The following KALRN variants were observed in gnomAD, a reference collection of about 807,000 sequenced individuals.
The protein encoded by KALRN is kalirin.
KALRN carries 70 observed loss-of-function variants against 353.7 expected under a neutral mutation model. The observed-to-expected ratio is 0.20, with a 90% confidence interval of 0.16 to 0.24. KALRN has a LOEUF of 0.24. KALRN is among the 10% of genes least tolerant of loss of function. The pLI, the probability that KALRN is intolerant of heterozygous loss-of-function variation, is 1.00. For missense variants in KALRN, 2,791 were observed against 3,756.7 expected (o/e 0.74, Z 6.72); for synonymous variants, 1,391 against 1,434.8 (o/e 0.97, Z 0.69).
At chr3:124,453,707 A>G (rs1309505243) in intron 21 of KALRN, among the ~76,000 whole-genome samples, 3 of 152,130 alleles carry the variant, frequency 2.0e-5, no homozygotes. Flanking sequence ...TCCCTGAGCA[A>G]TTTCAGAGTT....
chr3:124,312,640 G>A (rs185731482), intron 6 of KALRN, among the ~76,000 whole-genome samples: 319 of 152,376 alleles, frequency 2.1e-3, no homozygotes, highest in Non-Finnish European at 4.0e-3. Context: ...TGTTAGGGAA[G>A]CTGAAGTAAG....
Position 124,699,916 on chromosome 3 carries a change from C to CTCGTCA in KALRN, c.7883_7888dup (p.Val2628_Ile2629dup). On this transcript the variant is annotated inframe_insertion, in exon 56 of 60. Coordinates refer to ENST00000682506, the MANE Select transcript of KALRN (RefSeq NM_001388419.1). ...AGTGGCTTCGACCTTGGACACTTAC[C>CTCGTCA]TCGTCATCGAAGACCTTAGTCCCGG... 6.2e-7 allele frequency: 1 copy of CTCGTCA among 1,614,196 alleles called. No individual in the cohort carries two copies. Among genetic ancestry groups the CTCGTCA allele is most frequent in the Non-Finnish European group, 8.5e-7 (1 of 1,180,022 alleles).
chr3:124,607,417 A>G (rs2077463314), intron 34 of KALRN, among the ~76,000 whole-genome samples: 2 of 152,232 alleles, frequency 1.3e-5, no homozygotes, highest in Non-Finnish European at 2.9e-5. Context: ...GCAGAGTAGA[A>G]TTGATTTGGG....
chr3:124,633,167 G>C (rs2080967077), intron 35 of KALRN, among the ~76,000 whole-genome samples: 1 of 152,214 alleles, frequency 6.6e-6, no homozygotes, highest in Non-Finnish European at 1.5e-5. Flanking sequence ...ATGATGAACA[G>C]ATGAAGATTA....
intron 7 of KALRN, among the ~76,000 whole-genome samples, chr3:124,327,378 G>A (rs1359072383): frequency 6.6e-6 from 1 of 152,156 alleles, no homozygotes; most frequent in Non-Finnish European, 1.5e-5. Flanking sequence ...CCTTAACATA[G>A]TGAAAATATC....
chr3:124,273,818 G>A (rs1345410937), intron 5 of KALRN, among the ~76,000 whole-genome samples: 1 of 152,186 alleles, frequency 6.6e-6, no homozygotes, highest in Admixed American at 6.5e-5. Flanking sequence ...TCTCAGCCGG[G>A]CGCCCTCTGG....
At chr3:124,102,749 A>G (rs2061983328) in intron 1 of KALRN, among the ~76,000 whole-genome samples, 1 of 152,234 alleles carries the variant, frequency 6.6e-6, no homozygotes, top group South Asian at 2.1e-4. Flanking sequence ...TCACCTAGAT[A>G]CCTAATTCAA....
chr3:124,715,241 C>T (rs1273809335), intron 58 of KALRN, among the ~76,000 whole-genome samples: 2 of 152,058 alleles, frequency 1.3e-5, no homozygotes, highest in Non-Finnish European at 2.9e-5. Context: ...CTGAGCTAAC[C>T]CCTGTGCTGG....
At chr3:124,036,025 C>T (rs150747710) in intron 1 of KALRN, among the ~76,000 whole-genome samples, 6 of 152,314 alleles carry the variant, frequency 3.9e-5, no homozygotes, top group African/African-American at 1.4e-4. Context: ...AGCCTAGGCT[C>T]TTGCTGGGGA....
intron 1 of KALRN, among the ~76,000 whole-genome samples, chr3:124,115,685 T>C (rs1302410589): frequency 4.6e-5 from 7 of 152,222 alleles, no homozygotes; most frequent in Admixed American, 4.6e-4. Flanking sequence ...TACTTCTGAA[T>C]GACCAGGGTT....
chr3:124,579,648 A>G (rs973418777), intron 34 of KALRN, among the ~76,000 whole-genome samples: 1 of 152,040 alleles, frequency 6.6e-6, no homozygotes, highest in Non-Finnish European at 1.5e-5. Flanking sequence ...ATCATGGGAA[A>G]CCTACCTCTC....
intron 33 of KALRN, chr3:124,504,827 GC>G (rs1263004430): frequency 4.2e-6 from 2 of 471,816 alleles, no homozygotes; most frequent in East Asian, 1.4e-4. Context: ...CCCCACCACA[GC>G]CCAACTCAAA....
chr3:124,570,077 C>T (rs957720994), intron 34 of KALRN, among the ~76,000 whole-genome samples: 1 of 152,148 alleles, frequency 6.6e-6, no homozygotes, highest in Non-Finnish European at 1.5e-5. Context: ...AAAGTTCAGG[C>T]TCCTCTGCCT....
chr3:124,082,133 G>A (rs2060573479), intron 1 of KALRN: 1 of 390,452 alleles, frequency 2.6e-6, no homozygotes, highest in Non-Finnish European at 5.3e-6. Flanking sequence ...ATGCCCAGCT[G>A]CAATTGCATC....
intron 1 of KALRN, among the ~76,000 whole-genome samples, chr3:124,076,521 C>T (rs778330152): frequency 4.6e-5 from 7 of 152,216 alleles, no homozygotes; most frequent in Non-Finnish European, 7.3e-5. Flanking sequence ...CTGTAGCAAG[C>T]CCTTGCTCCT....
At chr3:124,542,447 T>C (rs907695633) in intron 33 of KALRN, among the ~76,000 whole-genome samples, 2 of 152,212 alleles carry the variant, frequency 1.3e-5, no homozygotes, top group Admixed American at 1.3e-4. Context: ...CTCCTGTAAG[T>C]CCCTCGAAGC....
chr3:124,336,117 C>T (rs3755659), intron 9 of KALRN, among the ~76,000 whole-genome samples: 74,910 of 151,792 alleles, frequency 0.49, 19,887 homozygotes, highest in African/African-American at 0.7. Flanking sequence ...TTCGAGCATG[C>T]CCCCACTTCT....
At chr3:124,697,860 C>A in intron 55 of KALRN, 136 bp downstream of exon 55, 1 of 856,456 alleles carries the variant, frequency 1.2e-6, no homozygotes, top group Non-Finnish European at 1.7e-6. Context: ...CAGGCTATTG[C>A]TATATTGCCC....
rs184399491 is a variant in KALRN, at chr3:124,581,253, C to T, written c.5182+18164C>T. The stretch of plus-strand genomic sequence containing the variant: ...CCTGTAATCCCAAAACTTAGATGTG[C>T]ATGGTGGTGCACGTCTGTATTCCCA... On this transcript the variant is annotated intron_variant, in intron 34 of 59. Transcript: ENST00000682506. Among the ~76,000 whole-genome samples the T allele has an allele frequency of 1.0e-3, 152 of 152,156 alleles. 3 individuals carry two copies. In the East Asian group the frequency reaches 0.027, roughly 27 times the overall value.
Sources: allele counts gnomAD v4.1 joint callset (sites outside exome capture counted in the v4.1 genomes callset), GRCh38; gene constraint gnomAD v4.1.1; transcripts MANE v1.5; gene names NCBI Gene and HGNC (gene_info 2026-07-23, HGNC 2026-07-21).